Variants in CSMD3 observed in about 807,000 individuals in gnomAD.
CSMD3 encodes the protein CUB and sushi domain-containing protein 3.
Under a neutral mutation model 435.2 loss-of-function variants are expected in CSMD3, and 177 were observed. That is an observed-to-expected ratio of 0.41 (90% CI 0.36 to 0.46). CSMD3 has a LOEUF of 0.46. Among genes scored for constraint, CSMD3 ranks in the 20% least tolerant of loss-of-function variants. The pLI, the probability that CSMD3 is intolerant of heterozygous loss-of-function variation, is 0.34. For missense variants in CSMD3, 4,265 were observed against 4,504.6 expected (o/e 0.95, Z 1.52); for synonymous variants, 1,656 against 1,520.5 (o/e 1.09, Z -2.07).
chr8:112,521,099 G>A (rs1421958771), intron 27 of CSMD3, among the ~76,000 whole-genome samples: 1 of 151,998 alleles, frequency 6.6e-6, no homozygotes, highest in East Asian at 1.9e-4. Context: ...ATTCTCAGTC[G>A]CATGTACAGT....
At chr8:112,877,246 T>TA (rs989986344) in intron 10 of CSMD3, among the ~76,000 whole-genome samples, 29 of 151,278 alleles carry the variant, frequency 1.9e-4, no homozygotes, top group African/African-American at 5.8e-4. Flanking sequence ...TTCACAGAAT[T>TA]AAAAAAAACT....
intron 50 of CSMD3, chr8:112,310,619 C>T (rs1054605782): frequency 9.1e-6 from 3 of 328,466 alleles, no homozygotes; most frequent in Non-Finnish European, 1.8e-5. Context: ...AGTGTACTTG[C>T]CCATTCTTAT....
intron 66 of CSMD3, among the ~76,000 whole-genome samples, chr8:112,239,546 A>C (rs1242858084): frequency 2.6e-5 from 4 of 152,022 alleles, no homozygotes; most frequent in African/African-American, 9.7e-5. Context: ...GGTGGAACTT[A>C]CCAGTAGGGC....
At chr8:113,107,062 A>G (rs77718766) in intron 4 of CSMD3, among the ~76,000 whole-genome samples, 1 of 152,158 alleles carries the variant, frequency 6.6e-6, no homozygotes, top group Non-Finnish European at 1.5e-5. Context: ...GGCCTTAGAC[A>G]ACCATGAATC....
At chr8:112,395,546 G>T (rs1228586422) in intron 35 of CSMD3, among the ~76,000 whole-genome samples, 1 of 152,064 alleles carries the variant, frequency 6.6e-6, no homozygotes, top group African/African-American at 2.4e-5. Context: ...AGTTCTTTCT[G>T]GGTCTCTAAA....
intron 13 of CSMD3, among the ~76,000 whole-genome samples, chr8:112,795,389 A>G (rs1051277186): frequency 2.0e-5 from 3 of 152,196 alleles, no homozygotes; most frequent in African/African-American, 7.2e-5. Context: ...TGGATACAGA[A>G]AAATGTTTGA....
chr8:112,873,980 A>G (rs2081207572), intron 10 of CSMD3, among the ~76,000 whole-genome samples: 1 of 151,864 alleles, frequency 6.6e-6, no homozygotes, highest in Non-Finnish European at 1.5e-5. Context: ...TTGCTTCTCT[A>G]GTTCTTTTAA....
intron 2 of CSMD3, among the ~76,000 whole-genome samples, chr8:113,284,506 C>A (rs1012774351): frequency 1.3e-5 from 2 of 152,082 alleles, no homozygotes; most frequent in African/African-American, 4.8e-5. Context: ...CCCATGTTAA[C>A]CTCAAAAGTT....
At chr8:113,010,989 A>C (rs1302589566) in intron 6 of CSMD3, among the ~76,000 whole-genome samples, 1 of 151,658 alleles carries the variant, frequency 6.6e-6, no homozygotes, top group East Asian at 1.9e-4. Flanking sequence ...TTTGACCCAA[A>C]GCTTATTATT....
intron 3 of CSMD3, among the ~76,000 whole-genome samples, chr8:113,272,693 G>T (rs1418707571): frequency 1.3e-5 from 2 of 152,210 alleles, no homozygotes; most frequent in East Asian, 3.9e-4. Context: ...CATTAAAATG[G>T]ACTAATACAG....
chr8:112,699,460 A>T (rs970345508), intron 13 of CSMD3, among the ~76,000 whole-genome samples: 1 of 152,190 alleles, frequency 6.6e-6, no homozygotes, highest in African/African-American at 2.4e-5. Flanking sequence ...AATACAGAAT[A>T]AGTGGGGAAA....
intron 5 of CSMD3, among the ~76,000 whole-genome samples, chr8:113,063,203 C>T (rs973909154): frequency 4.0e-5 from 6 of 151,212 alleles, no homozygotes; most frequent in African/African-American, 1.5e-4. Flanking sequence ...AAAACTTTAC[C>T]ATTCACAGTG....
chr8:112,438,910 T>G (rs1369926638), intron 32 of CSMD3, among the ~76,000 whole-genome samples: 1 of 152,202 alleles, frequency 6.6e-6, no homozygotes, highest in Non-Finnish European at 1.5e-5. Flanking sequence ...TTTTCCAAAG[T>G]AGGCACTGAA....
At chr8:113,010,125 T>G (rs916234680) in intron 6 of CSMD3, among the ~76,000 whole-genome samples, 1 of 151,446 alleles carries the variant, frequency 6.6e-6, no homozygotes. Context: ...TCAGAAAAGG[T>G]GTCTTGGAGT....
intron 7 of CSMD3, among the ~76,000 whole-genome samples, chr8:112,961,816 C>G (rs2084240749): frequency 6.6e-6 from 1 of 151,880 alleles, no homozygotes; most frequent in Non-Finnish European, 1.5e-5. Context: ...GGAGCAAATT[C>G]AGGAAACCAT....
At position 113,436,751 on chromosome 8, in the gene CSMD3, A is replaced by G; in HGVS notation, c.104T>C (p.Met35Thr). ...TCCACTTTTAATCCCCATTTTCTTC[A>G]TCAGGATGAAGTCTAGGCGGCCACA... ...AKCGRLDFIL[M>T]KKMGIKSGFT... Residue 35 changes from methionine (M) to threonine (T), a missense_variant, in exon 1 of 71, where the codon ATG becomes ACG. Coordinates refer to ENST00000297405, the MANE Select transcript of CSMD3 (RefSeq NM_198123.2). The G allele has an allele frequency of 6.2e-7, 1 of 1,614,160 alleles. No individual in the cohort carries two copies. Among genetic ancestry groups the G allele is most frequent in the South Asian group, 1.1e-5 (1 of 91,076 alleles).
chr8:113,338,767 T>C (rs1207162474), intron 1 of CSMD3, among the ~76,000 whole-genome samples: 1 of 151,926 alleles, frequency 6.6e-6, no homozygotes, highest in Non-Finnish European at 1.5e-5. Context: ...TAATAGGGTT[T>C]TTCTTTAGAA....
intron 24 of CSMD3, among the ~76,000 whole-genome samples, chr8:112,568,737 C>A (rs1026729192): frequency 1.2e-4 from 19 of 152,220 alleles, no homozygotes; most frequent in African/African-American, 4.3e-4. Context: ...AAATATTAAT[C>A]ATGAGTCAGC....
intron 27 of CSMD3, among the ~76,000 whole-genome samples, chr8:112,536,287 A>G (rs1301867534): frequency 1.3e-5 from 2 of 152,108 alleles, no homozygotes; most frequent in Non-Finnish European, 2.9e-5. Flanking sequence ...ACAAAGGGCT[A>G]ATATCCAGAA....
Sources: gnomAD v4.1 joint callset for allele counts (sites outside exome capture counted in the v4.1 genomes callset) on GRCh38, gnomAD v4.1.1 for gene constraint, MANE v1.5 for transcripts, NCBI Gene and HGNC (gene_info 2026-07-23, HGNC 2026-07-21) for gene names.